ERG: variants seen among roughly 807,000 people sequenced by gnomAD.
The protein encoded by ERG is ETS transcription factor ERG.
ERG carries 9 observed loss-of-function variants against 55.3 expected under a neutral mutation model. The observed-to-expected ratio is 0.16, with a 90% CI of 0.10 to 0.28. The LOEUF is 0.28. Among genes scored for constraint, ERG ranks in the 10% least tolerant of loss-of-function variants. ERG has a pLI of 1.00. For synonymous variants in ERG, 223 were observed against 237.3 expected (o/e 0.94, Z 0.55); for missense variants, 434 against 631.6 (o/e 0.69, Z 3.35).
chr21:38,547,063 T>G (rs183648118), intron 2 of ERG, among the ~76,000 whole-genome samples: 1 of 152,294 alleles, frequency 6.6e-6, no homozygotes, highest in South Asian at 2.1e-4. Context: ...AGTGGGAATA[T>G]GAGCCAGGGT....
chr21:38,504,444 A>G (rs1009149660), intron 2 of ERG, among the ~76,000 whole-genome samples: 5 of 152,258 alleles, frequency 3.3e-5, no homozygotes, highest in Non-Finnish European at 7.3e-5. Context: ...TGTGGTTTTA[A>G]GAAAGAAACC....
chr21:38,644,352 T>C (rs780159757), intron 1 of ERG, among the ~76,000 whole-genome samples: 2 of 152,190 alleles, frequency 1.3e-5, no homozygotes, highest in African/African-American at 2.4e-5. Flanking sequence ...TTTTAATAAA[T>C]TGATTTTCTT....
At chr21:38,452,827 T>C (rs1188100017) in intron 1 of ERG, among the ~76,000 whole-genome samples, 2 of 152,260 alleles carry the variant, frequency 1.3e-5, no homozygotes, top group African/African-American at 4.8e-5. Context: ...TGCCAGCAAT[T>C]CTCTTTGCCC....
At chr21:38,622,266 T>G (rs2060295428) in intron 1 of ERG, among the ~76,000 whole-genome samples, 1 of 152,112 alleles carries the variant, frequency 6.6e-6, no homozygotes, top group Non-Finnish European at 1.5e-5. Context: ...CCGGGCCAAG[T>G]CAGTGGAGAG....
At position 38,392,157 on chromosome 21, in the gene ERG, C is replaced by T. The variant is rs570199851; in HGVS notation, c.814+219G>A. On this transcript the variant is annotated intron_variant, in intron 7 of 9. Coordinates refer to ENST00000288319, the MANE Select transcript of ERG (RefSeq NM_182918.4). ...ACATGCATTTGTGAAGGTTGACATA[C>T]ACTACATCATTCCTTTATTTTTGTT... Among the ~76,000 whole-genome samples the T allele has an allele frequency of 1.2e-4, 19 of 152,306 alleles. No individual in the cohort carries two copies. In the South Asian group the frequency reaches 3.9e-3, roughly 32 times the overall value.
intron 1 of ERG, among the ~76,000 whole-genome samples, chr21:38,614,078 T>C (rs901678822): frequency 6.6e-5 from 10 of 152,202 alleles, no homozygotes; most frequent in Admixed American, 2.6e-4. Context: ...AACGGGATTC[T>C]TCCCTCAGGC....
intron 3 of ERG, among the ~76,000 whole-genome samples, chr21:38,419,610 T>A (rs1324711320): frequency 6.6e-6 from 1 of 152,210 alleles, no homozygotes; most frequent in African/African-American, 2.4e-5. Context: ...CCTTTATTTT[T>A]AAAAAGTGGA....
At chr21:38,590,695 TCATCCATCCATCTATC>T (rs1195862865) in intron 1 of ERG, among the ~76,000 whole-genome samples, 1 of 152,104 alleles carries the variant, frequency 6.6e-6, no homozygotes, top group East Asian at 1.9e-4. Flanking sequence ...ATCCATGTAT[TCATCCATCCATCTATC>T]CATCCATCCA....
At chr21:38,585,924 C>T (rs28394568), upstream of ERG, among the ~76,000 whole-genome samples, 2,164 of 150,396 alleles carry the variant, frequency 0.014, 61 homozygotes, top group African/African-American at 0.05. Context: ...TACTAAACCA[C>T]GTACATAATA....
intron 1 of ERG, among the ~76,000 whole-genome samples, chr21:38,639,802 A>G (rs1293135594): frequency 6.6e-6 from 1 of 152,202 alleles, no homozygotes; most frequent in Non-Finnish European, 1.5e-5. Flanking sequence ...AAGGGAATCA[A>G]AGGCCCAGCC....
intron 1 of ERG, among the ~76,000 whole-genome samples, chr21:38,618,911 G>A (rs2060274273): frequency 1.3e-5 from 2 of 152,178 alleles, no homozygotes; most frequent in South Asian, 2.1e-4. Context: ...GCGTTAAAGG[G>A]CAGAACCCAA....
At chr21:38,617,541 G>T (rs1462391973) in intron 1 of ERG, among the ~76,000 whole-genome samples, 1 of 152,216 alleles carries the variant, frequency 6.6e-6, no homozygotes, top group African/African-American at 2.4e-5. Context: ...TCATTGTCAA[G>T]GGTCTTAATG....
intron 1 of ERG, among the ~76,000 whole-genome samples, chr21:38,631,986 C>T (rs1352267519): frequency 2.0e-5 from 3 of 151,994 alleles, no homozygotes; most frequent in Non-Finnish European, 2.9e-5. Context: ...CACTTGAAAC[C>T]TTCCCTTATA....
chr21:38,540,803 C>T (rs1040029154), intron 2 of ERG, among the ~76,000 whole-genome samples: 2 of 152,214 alleles, frequency 1.3e-5, no homozygotes, highest in Non-Finnish European at 2.9e-5. Flanking sequence ...TGTCAGCTGA[C>T]TGGTCAACCC....
intron 9 of ERG, among the ~76,000 whole-genome samples, chr21:38,390,268 G>C (rs545027665): frequency 6.6e-6 from 1 of 152,348 alleles, no homozygotes; most frequent in Non-Finnish European, 1.5e-5. Flanking sequence ...TAGCATCGAA[G>C]TTCAGAAACA....
chr21:38,449,543 T>G (rs1037163162), intron 1 of ERG, among the ~76,000 whole-genome samples: 2 of 152,196 alleles, frequency 1.3e-5, no homozygotes, highest in African/African-American at 4.8e-5. Context: ...CTCTAAAATA[T>G]GCATCTATTT....
At chr21:38,627,251 A>G (rs2060330494) in intron 1 of ERG, among the ~76,000 whole-genome samples, 2 of 152,208 alleles carry the variant, frequency 1.3e-5, no homozygotes, top group Admixed American at 6.5e-5. Flanking sequence ...ACAATCAAAC[A>G]AAAATCATAA....
chr21:38,639,009 C>G (rs1258200770), intron 1 of ERG, among the ~76,000 whole-genome samples: 2 of 152,176 alleles, frequency 1.3e-5, no homozygotes, highest in Non-Finnish European at 2.9e-5. Flanking sequence ...ACCCTCAGAA[C>G]CCTGCAGCCA....
At chr21:38,616,502 T>C (rs191131142) in intron 1 of ERG, among the ~76,000 whole-genome samples, 1 of 152,112 alleles carries the variant, frequency 6.6e-6, no homozygotes, top group Admixed American at 6.5e-5. Context: ...CATTAGAGCA[T>C]GGACTGTTGC....
Sources: allele counts gnomAD v4.1 joint callset (sites outside exome capture counted in the v4.1 genomes callset), GRCh38; gene constraint gnomAD v4.1.1; transcripts MANE v1.5; gene names NCBI Gene and HGNC (gene_info 2026-07-23, HGNC 2026-07-21).